The following DSCAML1 variants were observed in gnomAD, a reference collection of about 807,000 sequenced individuals.
DSCAML1 encodes the protein DS cell adhesion molecule like 1.
In DSCAML1, 38 loss-of-function variants were observed where a neutral mutation model predicts 200.5. The observed-to-expected ratio is 0.19, with a 90% CI of 0.15 to 0.25. The LOEUF (loss-of-function observed/expected upper bound fraction) is 0.25. Among genes scored for constraint, DSCAML1 ranks in the 10% least tolerant of loss-of-function variants. The probability of loss-of-function intolerance (pLI) is 1.00; values close to 1 mark genes in which losing one functional copy is unlikely to be tolerated. For synonymous variants in DSCAML1, 1,215 were observed against 1,165.0 expected (o/e 1.04, Z -0.87); for missense variants, 2,223 against 2,858.8 (o/e 0.78, Z 5.07).
chr11:117,746,607 G>A (rs1213698265), intron 3 of DSCAML1, among the ~76,000 whole-genome samples: 4 of 152,276 alleles, frequency 2.6e-5, no homozygotes, highest in South Asian at 2.1e-4. Flanking sequence ...ACCTGCCAAC[G>A]TGGCCTCCTC....
rs757712863 is a variant in DSCAML1 at position 117,504,270 on chromosome 11, CTT to C, written c.2183-251_2183-250del. 6.6e-6 allele frequency among the ~76,000 whole-genome samples: 1 copy of C among 152,228 alleles called. No homozygotes were observed. ...GTTGGGAGTCTCAGCTCAATGCCCA[CTT>C]TGACACTGGCATGGAGCTTCTTTGG... On this transcript the variant is annotated intron_variant, in intron 10 of 32. Transcript: ENST00000651296. This position sits in a 1 kb window ranked among gnomAD's most constrained non-coding sequence, Gnocchi z 5.0.
At position 117,780,294 on chromosome 11, in the gene DSCAML1, AAGAAAGAAAG is replaced by A. The variant is rs1450100511; in HGVS notation, c.364+189_364+198del. ...AAAGAAAGAAAGAAAGAAAGAAAGA[AAGAAAGAAAG>A]AGAGAAAGGAGAAAGAAAGGTGTCT... On this transcript the variant is annotated intron_variant, in intron 2 of 32. Coordinates refer to ENST00000651296, the MANE Select transcript of DSCAML1 (RefSeq NM_020693.4). The surrounding 1 kb of genome is among the most constrained non-coding windows in gnomAD (Gnocchi z 4.8). 4.7e-3 allele frequency among the ~76,000 whole-genome samples: 502 copies of A among 106,686 alleles called. 29 individuals carry two copies. The highest frequency in any genetic ancestry group is 0.011 in the South Asian group (31 of 2,944). The allele number at this position is 106,686 out of a possible 152,430, so 70.0% of individuals were successfully genotyped here. A position where few individuals can be genotyped will look rare whatever the true frequency, so the allele number is the denominator to read the frequency against.
At position 117,516,356 on chromosome 11, in the gene DSCAML1, C is replaced by T; in HGVS notation, c.1783+111G>A. 7.2e-7 allele frequency: 1 copy of T among 1,385,220 alleles called. No homozygotes were observed. Among genetic ancestry groups the T allele is most frequent in the Non-Finnish European group, 9.8e-7 (1 of 1,025,350 alleles). 85.8% of individuals were successfully genotyped at this position (1,385,220 alleles called of 1,614,324 possible). On this transcript the variant is annotated intron_variant, in intron 8 of 32. Transcript: ENST00000651296. The surrounding 1 kb of genome is among the most constrained non-coding windows in gnomAD (Gnocchi z 5.7). ...CCAAGCTGGGGCCTCTCTTGCTCAG[C>T]CTTCCGTTCACCCAGGATTGCCTAT...
At chr11:117,809,542 C>T (rs561421178) in intron 1 of DSCAML1, among the ~76,000 whole-genome samples, 83 of 152,302 alleles carry the variant, frequency 5.4e-4, no homozygotes, top group Middle Eastern at 3.4e-3. Context: ...ACAACATAGA[C>T]GGCGGCCACT....
At chr11:117,448,415 G>A (rs1387156892) in intron 20 of DSCAML1, among the ~76,000 whole-genome samples, 1 of 152,188 alleles carries the variant, frequency 6.6e-6, no homozygotes, top group African/African-American at 2.4e-5. Context: ...ACCCAAAGAT[G>A]AAAAGATGCT....
chr11:117,763,054 A>T (rs7931737), intron 3 of DSCAML1, among the ~76,000 whole-genome samples: 139,248 of 152,072 alleles, frequency 0.92, 64,710 homozygotes, highest in East Asian at 1. Flanking sequence ...CCCACAGACC[A>T]CTCTGGTGAG....
At chr11:117,595,059 TAC>T (rs374932790) in intron 3 of DSCAML1, among the ~76,000 whole-genome samples, 380 of 143,424 alleles carry the variant, frequency 2.6e-3, no homozygotes, top group East Asian at 4.1e-3. Context: ...GTCTTTCTCT[TAC>T]ACACACACAC....
At chr11:117,549,505 CCTCT>C (rs1420212032) in intron 3 of DSCAML1, among the ~76,000 whole-genome samples, 1 of 152,222 alleles carries the variant, frequency 6.6e-6, no homozygotes, top group Admixed American at 6.5e-5. Context: ...GGTTACTTAG[CCTCT>C]CTAACTCAGT....
chr11:117,709,913 C>A (rs910790526), intron 3 of DSCAML1, among the ~76,000 whole-genome samples: 5 of 152,168 alleles, frequency 3.3e-5, no homozygotes, highest in African/African-American at 1.2e-4. Context: ...TGGCTCAGAG[C>A]CCCTGCCTCC....
chr11:117,560,050 G>T (rs936550611), intron 3 of DSCAML1, among the ~76,000 whole-genome samples: 23 of 152,126 alleles, frequency 1.5e-4, no homozygotes, highest in Non-Finnish European at 3.1e-4. Context: ...GCTGGGAGGG[G>T]TGGGGGCAGG....
rs2050770915 is a variant in DSCAML1, at chr11:117,567,006, CTT to C, written c.512-34486_512-34485del. ...TTGGACATTTGGGTTGGTTCCAAGT[CTT>C]TGCTATTGTGAATAATGCTGCAATA... On this transcript the variant is annotated intron_variant, in intron 3 of 32. Coordinates refer to ENST00000651296, the MANE Select transcript of DSCAML1 (RefSeq NM_020693.4). Among the ~76,000 whole-genome samples, 3 of 152,104 alleles carry C rather than the reference CTT, an allele frequency of 2.0e-5. No individual in the cohort carries two copies. The South Asian group carries it at 6.2e-4, about 32-fold the overall frequency.
In DSCAML1 at chr11:117,609,960, C is replaced by T. The variant is rs2051653901; in HGVS notation, c.512-77438G>A. Among the ~76,000 whole-genome samples, 2 of 152,164 alleles carry T rather than the reference C, an allele frequency of 1.3e-5. 1 individual carries two copies. The highest frequency in any genetic ancestry group is 4.8e-5 in the African/African-American group (2 of 41,434). ...GAACTGGCCTTGCCCCTGTGCTCCTCAGAACCTACACTGATGTTTCACAAG... is the reference window on the plus strand; with the variant it reads ...GAACTGGCCTTGCCCCTGTGCTCCTTAGAACCTACACTGATGTTTCACAAG... On this transcript the variant is annotated intron_variant, in intron 3 of 32. Transcript: ENST00000651296.
intron 3 of DSCAML1, among the ~76,000 whole-genome samples, chr11:117,736,381 C>T (rs1367163114): frequency 6.6e-6 from 1 of 152,208 alleles, no homozygotes; most frequent in African/African-American, 2.4e-5. Context: ...AAAAGCCAGC[C>T]ACCCAGGGGT....
rs1181201490 is a variant in DSCAML1, at chr11:117,504,885, C to T, written c.2182+39G>A. 1 of 1,580,062 alleles carries T rather than the reference C, an allele frequency of 6.3e-7. No individual in the cohort carries two copies. The highest frequency in any genetic ancestry group is 1.3e-5 in the African/African-American group (1 of 74,190). On this transcript the variant is annotated intron_variant, in intron 10 of 32. Transcript: ENST00000651296. This position sits in a 1 kb window ranked among gnomAD's most constrained non-coding sequence, Gnocchi z 5.0. ...ACAGAGCATCCTCCGTTCCCCGTCC[C>T]TGCCCTTCTTGGAGATTCTGGCTGG...
chr11:117,711,513 C>T (rs2137769879), intron 3 of DSCAML1, among the ~76,000 whole-genome samples: 1 of 152,294 alleles, frequency 6.6e-6, no homozygotes, highest in Non-Finnish European at 1.5e-5. Context: ...ACCAGCTGCT[C>T]CTAGAACCAG....
At chr11:117,566,774 T>A (rs1367367157) in intron 3 of DSCAML1, among the ~76,000 whole-genome samples, 2 of 143,322 alleles carry the variant, frequency 1.4e-5, no homozygotes, top group Non-Finnish European at 3.0e-5. Context: ...TTCCCCTTCC[T>A]GTGTCCATGT....
At chr11:117,697,865 A>G (rs2053609893) in intron 3 of DSCAML1, among the ~76,000 whole-genome samples, 1 of 150,494 alleles carries the variant, frequency 6.6e-6, no homozygotes, top group Admixed American at 6.7e-5. Flanking sequence ...TCCACCTCCC[A>G]GGTTCAAACA....
chr11:117,483,993 T>C (rs972542770), intron 11 of DSCAML1, among the ~76,000 whole-genome samples: 2 of 151,506 alleles, frequency 1.3e-5, no homozygotes, highest in African/African-American at 2.4e-5. Flanking sequence ...GGGCTTTGTC[T>C]TCTCTGTCCT....
chr11:117,699,669 G>A (rs574085813), intron 3 of DSCAML1, among the ~76,000 whole-genome samples: 8 of 152,264 alleles, frequency 5.3e-5, no homozygotes, highest in East Asian at 3.9e-4. Flanking sequence ...GCACAGAGCC[G>A]GGCCATCCCC....
Sources: allele counts gnomAD v4.1 joint callset (sites outside exome capture counted in the v4.1 genomes callset), GRCh38; gene constraint gnomAD v4.1.1; non-coding constraint Gnocchi (gnomAD v3.1); transcripts MANE v1.5; gene names NCBI Gene and HGNC (gene_info 2026-07-23, HGNC 2026-07-21).